STXBP5L: variants seen among roughly 807,000 people sequenced by gnomAD.
STXBP5L encodes the protein syntaxin-binding protein 5-like.
Under a neutral mutation model 144.5 loss-of-function variants are expected in STXBP5L, and 65 were observed. The ratio of observed to expected loss-of-function variants is 0.45; its 90% confidence interval spans 0.37 to 0.55. The LOEUF (loss-of-function observed/expected upper bound fraction) is 0.55. STXBP5L is among the 20% of genes least tolerant of loss of function. STXBP5L has a pLI of 0.00. For missense variants in STXBP5L, 1,298 were observed against 1,405.5 expected, an observed-to-expected ratio of 0.92 and a Z score of 1.22; for synonymous variants, 505 against 469.6, an observed-to-expected ratio of 1.08 and a Z score of -0.97.
At chr3:121,329,544 A>G (rs915628878) in intron 20 of STXBP5L, among the ~76,000 whole-genome samples, 6 of 152,246 alleles carry the variant, frequency 3.9e-5, no homozygotes, top group African/African-American at 1.4e-4. Context: ...TATCATGGAA[A>G]TACTCAAACA....
At chr3:121,093,789 T>G (rs2042959477) in intron 5 of STXBP5L, among the ~76,000 whole-genome samples, 1 of 152,208 alleles carries the variant, frequency 6.6e-6, no homozygotes, top group Non-Finnish European at 1.5e-5. Context: ...TGTTCTGATT[T>G]TAGTTATTTC....
intron 3 of STXBP5L, among the ~76,000 whole-genome samples, chr3:121,006,326 T>A (rs1944300104): frequency 6.6e-6 from 1 of 152,202 alleles, no homozygotes; most frequent in Non-Finnish European, 1.5e-5. Context: ...TTGTCTCTTT[T>A]GATCTTTGTT....
chr3:121,243,424 T>G (rs2049735103), intron 14 of STXBP5L, among the ~76,000 whole-genome samples: 1 of 152,138 alleles, frequency 6.6e-6, no homozygotes, highest in Non-Finnish European at 1.5e-5. Flanking sequence ...CTGGGCTGAT[T>G]TATGAAAAAT....
intron 2 of STXBP5L, among the ~76,000 whole-genome samples, chr3:120,929,952 T>C (rs904190978): frequency 6.6e-6 from 1 of 151,924 alleles, no homozygotes; most frequent in Non-Finnish European, 1.5e-5. Context: ...TAATTTCTAT[T>C]AGCTTTTATA....
At chr3:121,165,710 C>T (rs1054975641) in intron 9 of STXBP5L, among the ~76,000 whole-genome samples, 1 of 152,096 alleles carries the variant, frequency 6.6e-6, no homozygotes, top group Non-Finnish European at 1.5e-5. Flanking sequence ...CTTCCTGTCT[C>T]ACAGATTGGA....
At chr3:121,043,709 A>AAAAC (rs146805882) in intron 4 of STXBP5L, among the ~76,000 whole-genome samples, 14,957 of 151,962 alleles carry the variant, frequency 0.098, 1,162 homozygotes, top group Admixed American at 0.2. Context: ...CTCCATCTCA[A>AAAAC]AAACAAACAA....
intron 5 of STXBP5L, among the ~76,000 whole-genome samples, chr3:121,096,095 G>A (rs1464324832): frequency 6.7e-6 from 1 of 149,790 alleles, no homozygotes; most frequent in African/African-American, 2.5e-5. Context: ...TTGGTGGGCT[G>A]TACCCACTAT....
At chr3:120,933,313 A>G (rs950299322) in intron 2 of STXBP5L, among the ~76,000 whole-genome samples, 3 of 152,160 alleles carry the variant, frequency 2.0e-5, no homozygotes, top group African/African-American at 4.8e-5. Context: ...TACCTAAACT[A>G]TGCAACATTA....
chr3:120,956,949 T>A (rs1422771899), intron 3 of STXBP5L, among the ~76,000 whole-genome samples: 3 of 151,932 alleles, frequency 2.0e-5, no homozygotes, highest in Non-Finnish European at 4.4e-5. Context: ...AAGAGTTTTA[T>A]AGTTTTAGGT....
intron 20 of STXBP5L, among the ~76,000 whole-genome samples, chr3:121,334,723 A>G (rs2203078): frequency 0.77 from 115,330 of 150,504 alleles, 44,313 homozygotes; most frequent in East Asian, 0.93. Flanking sequence ...CATAAACAGA[A>G]CTAAAGATAG....
intron 19 of STXBP5L, among the ~76,000 whole-genome samples, chr3:121,312,368 CT>C (rs71619793): frequency 0.35 from 20,984 of 60,120 alleles, 2,651 homozygotes; most frequent in Middle Eastern, 0.41. Context: ...TAAAGAGCTT[CT>C]TTTTTTTTTT....
At chr3:121,174,618 A>C (rs1419086487) in intron 9 of STXBP5L, among the ~76,000 whole-genome samples, 2 of 152,146 alleles carry the variant, frequency 1.3e-5, no homozygotes, top group Non-Finnish European at 2.9e-5. Flanking sequence ...CAATAGAAAG[A>C]TTTTGCAAAA....
At chr3:121,254,495 A>G (rs892704175) in intron 15 of STXBP5L, among the ~76,000 whole-genome samples, 6 of 152,174 alleles carry the variant, frequency 3.9e-5, no homozygotes, top group Non-Finnish European at 7.4e-5. Context: ...CCTAACAATC[A>G]AAGGGGAAAA....
chr3:121,360,801 T>C (rs930264633), intron 20 of STXBP5L, among the ~76,000 whole-genome samples: 1 of 152,200 alleles, frequency 6.6e-6, no homozygotes, highest in African/African-American at 2.4e-5. Flanking sequence ...TTAGTCTTTC[T>C]ACTTAGGATA....
intron 5 of STXBP5L, chr3:121,098,986 C>T (rs1006829713): frequency 2.0e-5 from 3 of 152,114 alleles, no homozygotes; most frequent in Non-Finnish European, 4.4e-5. Context: ...CTCCAAATAA[C>T]CCTGTATATA....
At chr3:121,233,756 C>A in intron 12 of STXBP5L, 68 bp downstream of exon 12, 3 of 1,189,732 alleles carry the variant, frequency 2.5e-6, no homozygotes, top group Non-Finnish European at 3.6e-6. Flanking sequence ...CATTTGTATT[C>A]TTTTGATAGG....
At chr3:121,339,095 C>G in intron 20 of STXBP5L, among the ~76,000 whole-genome samples, 1 of 151,848 alleles carries the variant, frequency 6.6e-6, no homozygotes, top group East Asian at 1.9e-4. Context: ...GCATACAAAA[C>G]AAAACAAACA....
chr3:120,914,458 C>T (rs590436), intron 2 of STXBP5L, among the ~76,000 whole-genome samples: 32,431 of 151,858 alleles, frequency 0.21, 3,696 homozygotes, highest in Non-Finnish European at 0.26. Context: ...AATATCAGAT[C>T]GTACCAGGTA....
At chr3:120,968,713 TC>T (rs1939886067) in intron 3 of STXBP5L, among the ~76,000 whole-genome samples, 1 of 152,068 alleles carries the variant, frequency 6.6e-6, no homozygotes, top group African/African-American at 2.4e-5. Flanking sequence ...CTTTTATCCC[TC>T]CCCCGTTCTG....
Sources: gnomAD v4.1 joint callset for allele counts (sites outside exome capture counted in the v4.1 genomes callset) on GRCh38, gnomAD v4.1.1 for gene constraint, MANE v1.5 for transcripts, NCBI Gene and HGNC (gene_info 2026-07-23, HGNC 2026-07-21) for gene names.